The following STOML2 variants were observed in gnomAD, a reference collection of about 807,000 sequenced individuals.
STOML2 encodes stomatin like 2, also known as stomatin-like protein 2, mitochondrial.
A neutral mutation model predicts 45.7 loss-of-function variants in STOML2; 22 were observed. The ratio of observed to expected loss-of-function variants is 0.48; its 90% CI spans 0.34 to 0.69. The LOEUF (loss-of-function observed/expected upper bound fraction) is 0.69, where lower values mean the gene tolerates loss of function less well. Among genes scored for constraint, STOML2 ranks in the 30% least tolerant of loss-of-function variants. The pLI, the probability that STOML2 is intolerant of heterozygous loss-of-function variation, is 0.01. For synonymous variants in STOML2, 181 were observed against 182.7 expected, an observed-to-expected ratio of 0.99 and a Z score of 0.08; for missense variants, 359 against 466.9, an observed-to-expected ratio of 0.77 and a Z score of 2.13.
intron 9 of STOML2, 111 bp downstream of exon 9, chr9:35,100,482 CTAGGG>C: frequency 7.0e-7 from 1 of 1,424,250 alleles, no homozygotes; most frequent in South Asian, 1.2e-5. Flanking sequence ...GAAGGGAGGT[CTAGGG>C]CCAAGGCACT....
rs759541860 is a variant in STOML2 at position 35,100,161 on chromosome 9, T to C, written c.945A>G (p.Val315=). The C allele has an allele frequency of 1.1e-5, 17 of 1,614,002 alleles. No individual in the cohort carries two copies. Among genetic ancestry groups the C allele is most frequent in the Middle Eastern group, 1.7e-4 (1 of 6,058 alleles). The part of the protein sequence containing the change: ...VTSMVAQAMG[V]YGALTKAPVP... The stretch of plus-strand genomic sequence containing the variant: ...CTGGGGCTTTGGTGAGGGCTCCATA[T>C]ACACCCATGGCCTGAGGAGAGGAAC... The change falls in exon 10 of 10, where the codon GTA becomes GTG. Residue 315 remains valine, a synonymous_variant. Coordinates refer to ENST00000356493, the MANE Select transcript of STOML2 (RefSeq NM_013442.3).
At position 35,103,033 on chromosome 9, in the gene STOML2, G is replaced by C; in HGVS notation, c.45+17C>G. On this transcript the variant is annotated intron_variant, in intron 1 of 9. Coordinates refer to ENST00000356493, the MANE Select transcript of STOML2 (RefSeq NM_013442.3). Reference sequence around the variant, plus strand: ...AATCTCTGTCCTGACCCTCTGGAAAGGTTGCCTCGCTCTCACCCTCAGCAA... The same window carrying C: ...AATCTCTGTCCTGACCCTCTGGAAACGTTGCCTCGCTCTCACCCTCAGCAA... The C allele has an allele frequency of 2.5e-6, 4 of 1,614,092 alleles. No individual in the cohort carries two copies. Among genetic ancestry groups the C allele is most frequent in the Non-Finnish European group, 3.4e-6 (4 of 1,180,004 alleles).
In STOML2 at chr9:35,102,910, C is replaced by A; in HGVS notation, c.46-87G>T. ...TGAAGGCATCTCCATAAACCACGAC[C>A]CTCAGGATCCTCGGAGAATCACATG... is the stretch of plus-strand genomic sequence containing the variant. On this transcript the variant is annotated intron_variant, in intron 1 of 9. Coordinates refer to ENST00000356493, the MANE Select transcript of STOML2 (RefSeq NM_013442.3). This position sits in a 1 kb window ranked among gnomAD's most constrained non-coding sequence, Gnocchi z 4.8. 1 of 1,574,378 alleles carries A rather than the reference C, an allele frequency of 6.4e-7. No homozygotes were observed. The highest frequency in any genetic ancestry group is 8.6e-7 in the Non-Finnish European group (1 of 1,157,950).
Position 35,102,745 on chromosome 9 carries a change from GCACGAACAGTAC to G in STOML2, c.112_123del (p.Val38_Val41del), listed in dbSNP as rs752109773. ...TCCACCACCCAGGCCTCCTGCTGCG[GCACGAACAGTAC>G]CACGGTGTTTCGGGGCAATCCAGAG... is the stretch of plus-strand genomic sequence containing the variant. On this transcript the variant is annotated inframe_deletion, in exon 2 of 10. Coordinates refer to ENST00000356493, the MANE Select transcript of STOML2 (RefSeq NM_013442.3). The surrounding 1 kb of genome is among the most constrained non-coding windows in gnomAD (Gnocchi z 4.8). 1 of 1,613,958 alleles carries G rather than the reference GCACGAACAGTAC, an allele frequency of 6.2e-7. No individual in the cohort carries two copies. Among genetic ancestry groups the G allele is most frequent in the African/African-American group, 1.3e-5 (1 of 75,066 alleles).
rs1829836920 is a variant in STOML2, at chr9:35,102,326, G to A, written c.184-132C>T. The A allele has an allele frequency of 1.3e-6, 1 of 760,804 alleles. No individual in the cohort carries two copies. The highest frequency in any genetic ancestry group is 1.8e-5 in the South Asian group (1 of 55,000). The allele number at this position is 760,804 out of a possible 1,614,324, so 47.1% of individuals were successfully genotyped here. On this transcript the variant is annotated intron_variant, in intron 2 of 9. Coordinates refer to ENST00000356493, the MANE Select transcript of STOML2 (RefSeq NM_013442.3). This position sits in a 1 kb window ranked among gnomAD's most constrained non-coding sequence, Gnocchi z 4.8. ...AGCAGCAGCTCCTACCAAGAAATAA[G>A]TCCTCAGAAGGCTGAGGTGTCACTG...
chr9:35,100,784 T>C, intron 8 of STOML2, 58 bp from the exon 9 acceptor site: 2 of 1,613,244 alleles, frequency 1.2e-6, no homozygotes, highest in African/African-American at 1.3e-5. Context: ...AAGGGGGGGA[T>C]GGGGAATGAA....
chr9:35,102,463 G>T lies in STOML2; in HGVS notation c.183+223C>A. On this transcript the variant is annotated intron_variant, in intron 2 of 9. Coordinates refer to ENST00000356493, the MANE Select transcript of STOML2 (RefSeq NM_013442.3). This position sits in a 1 kb window ranked among gnomAD's most constrained non-coding sequence, Gnocchi z 4.8. ...ATCTCTATGCAGACTGAGAGGTAGG[G>T]CTGAGAGTGGGCAGGGGAGATTCCC... The T allele has an allele frequency of 1.4e-6, 1 of 729,480 alleles. No homozygotes were observed. Among genetic ancestry groups the T allele is most frequent in the Non-Finnish European group, 2.2e-6 (1 of 451,720 alleles). 45.2% of individuals were successfully genotyped at this position (729,480 alleles called of 1,614,324 possible).
At chr9:35,100,268 A>G (rs909790290) in intron 9 of STOML2, 96 bp from the exon 10 acceptor site, 2 of 1,509,490 alleles carry the variant, frequency 1.3e-6, no homozygotes, top group Non-Finnish European at 1.8e-6. Context: ...CATGGGGGCC[A>G]GTAAGTTGGT....
Position 35,102,840 on chromosome 9 carries a change from G to A in STOML2, c.46-17C>T, listed in dbSNP as rs1343272216. ...TAGAGAGCCCTGAAGGAAAGAAGAG[G>A]GTGAGCAGAGATCCCATCTGGCCAG... On this transcript the variant is annotated splice_polypyrimidine_tract_variant and intron_variant, in intron 1 of 9. Coordinates refer to ENST00000356493, the MANE Select transcript of STOML2 (RefSeq NM_013442.3). This position sits in a 1 kb window ranked among gnomAD's most constrained non-coding sequence, Gnocchi z 4.8. The A allele has an allele frequency of 3.7e-6, 6 of 1,612,904 alleles. No individual in the cohort carries two copies. Among genetic ancestry groups the A allele is most frequent in the Non-Finnish European group, 5.1e-6 (6 of 1,179,474 alleles).
In STOML2 at chr9:35,102,764, G is replaced by A. The variant is rs767670694; in HGVS notation, c.105C>T (p.Asn35=). The change falls in exon 2 of 10, where the codon AAC becomes AAT. Residue 35 remains asparagine (N), a synonymous_variant. Coordinates refer to ENST00000356493, the MANE Select transcript of STOML2 (RefSeq NM_013442.3). This position sits in a 1 kb window ranked among gnomAD's most constrained non-coding sequence, Gnocchi z 4.8. Reference sequence around the variant, plus strand: ...GCTGCGGCACGAACAGTACCACGGTGTTTCGGGGCAATCCAGAGGAGGCGC... The same window carrying A: ...GCTGCGGCACGAACAGTACCACGGTATTTCGGGGCAATCCAGAGGAGGCGC... The part of the protein sequence containing the change: ...PRRASSGLPR[N]TVVLFVPQQE... The A allele has an allele frequency of 6.2e-7, 1 of 1,614,140 alleles. No individual in the cohort carries two copies. Among genetic ancestry groups the A allele is most frequent in the South Asian group, 1.1e-5 (1 of 91,084 alleles).
At position 35,101,635 on chromosome 9, in the gene STOML2, A is replaced by G. The variant is rs1018250923; in HGVS notation, c.444+75T>C. The G allele has an allele frequency of 6.2e-7, 1 of 1,613,746 alleles. No individual in the cohort carries two copies. The highest frequency in any genetic ancestry group is 8.5e-7 in the Non-Finnish European group (1 of 1,179,796). On this transcript the variant is annotated intron_variant, in intron 5 of 9. Transcript: ENST00000356493. This position sits in a 1 kb window ranked among gnomAD's most constrained non-coding sequence, Gnocchi z 4.3. ...CTACACTGAGAAGGGCCTGGGACTG[A>G]TCTTGACCTTCAGAAAAGATTAAGA...
Position 35,102,473 on chromosome 9 carries a change from G to T in STOML2, c.183+213C>A. ...AGACTGAGAGGTAGGGCTGAGAGTG[G>T]GCAGGGGAGATTCCCAAGAATGGGG... On this transcript the variant is annotated intron_variant, in intron 2 of 9. Transcript: ENST00000356493. This position sits in a 1 kb window ranked among gnomAD's most constrained non-coding sequence, Gnocchi z 4.8. The T allele has an allele frequency of 1.3e-6, 1 of 783,260 alleles. No homozygotes were observed. The highest frequency in any genetic ancestry group is 2.0e-6 in the Non-Finnish European group (1 of 498,632). 48.5% of individuals were successfully genotyped at this position (783,260 alleles called of 1,614,324 possible). A position where few individuals can be genotyped will look rare whatever the true frequency, so the allele number is the denominator to read the frequency against.
intron 8 of STOML2, 58 bp downstream of exon 8, chr9:35,100,874 T>A: frequency 6.2e-7 from 1 of 1,613,332 alleles, no homozygotes; most frequent in Non-Finnish European, 8.5e-7. Flanking sequence ...CAAGCGTAGA[T>A]AAGAGAACCC....
chr9:35,102,618 C>T lies in STOML2; in HGVS notation c.183+68G>A, dbSNP rs1829845527. On this transcript the variant is annotated intron_variant, in intron 2 of 9. Transcript: ENST00000356493. The surrounding 1 kb of genome is among the most constrained non-coding windows in gnomAD (Gnocchi z 4.8). ...TGCGGGCAGGCCCAAAGGAAGTCCT[C>T]CCGACATTGCATGTCGTGAGGGATT... The T allele has an allele frequency of 1.4e-5, 23 of 1,589,652 alleles. No homozygotes were observed. The highest frequency in any genetic ancestry group is 2.7e-5 in the African/African-American group (2 of 74,080).
At position 35,102,238 on chromosome 9, in the gene STOML2, G is replaced by C. The variant is rs755042355; in HGVS notation, c.184-44C>G. On this transcript the variant is annotated intron_variant, in intron 2 of 9. Transcript: ENST00000356493. The surrounding 1 kb of genome is among the most constrained non-coding windows in gnomAD (Gnocchi z 4.8). The stretch of plus-strand genomic sequence containing the variant: ...GGTCCTCAGAAGGCTGGGAACTATT[G>C]GGTTGGGACCTAAGCTAGTCCTGGA... 7 of 1,567,128 alleles carry C rather than the reference G, an allele frequency of 4.5e-6. No homozygotes were observed. The highest frequency in any genetic ancestry group is 1.7e-4 in the Middle Eastern group (1 of 5,934).
Position 35,101,964 on chromosome 9 carries a change from T to C in STOML2, c.284-2A>G. ...CATCGATTTGCAGAGTTACATTGTC[T>C]GTAGAACCAGGAGAGAAAACGGGGA... is the stretch of plus-strand genomic sequence containing the variant. On this transcript the variant is annotated splice_acceptor_variant, in intron 3 of 9. Transcript: ENST00000356493. LOFTEE classifies it high-confidence loss of function. The surrounding 1 kb of genome is among the most constrained non-coding windows in gnomAD (Gnocchi z 4.3). The C allele has an allele frequency of 6.2e-7, 1 of 1,614,186 alleles. No individual in the cohort carries two copies. Among genetic ancestry groups the C allele is most frequent in the Non-Finnish European group, 8.5e-7 (1 of 1,180,030 alleles).
Position 35,102,563 on chromosome 9 carries a change from G to C in STOML2, c.183+123C>G. 1 of 1,475,934 alleles carries C rather than the reference G, an allele frequency of 6.8e-7. No individual in the cohort carries two copies. The highest frequency in any genetic ancestry group is 9.1e-7 in the Non-Finnish European group (1 of 1,099,020). 91.4% of individuals were successfully genotyped at this position (1,475,934 alleles called of 1,614,324 possible). On this transcript the variant is annotated intron_variant, in intron 2 of 9. Coordinates refer to ENST00000356493, the MANE Select transcript of STOML2 (RefSeq NM_013442.3). This position sits in a 1 kb window ranked among gnomAD's most constrained non-coding sequence, Gnocchi z 4.8. ...ATGGTCAGCAGCCTGGGCCCTGTCA[G>C]GTCTGGCCTACAGAGTCGGGAGCTA...
rs777603377 is a variant in STOML2 at position 35,102,044 on chromosome 9, C to CA, written c.283+50dup. On this transcript the variant is annotated intron_variant, in intron 3 of 9. Coordinates refer to ENST00000356493, the MANE Select transcript of STOML2 (RefSeq NM_013442.3). The surrounding 1 kb of genome is among the most constrained non-coding windows in gnomAD (Gnocchi z 4.8). Reference sequence around the variant, plus strand: ...TTTCTACTAAGCTCTGGATCTACAGCAACCACATCCTAATAGCCTCAGAGC... The same window carrying CA: ...TTTCTACTAAGCTCTGGATCTACAGCAAACCACATCCTAATAGCCTCAGAGC... The CA allele has an allele frequency of 2.1e-5, 34 of 1,612,536 alleles. 1 individual carries two copies. Among genetic ancestry groups the CA allele is most frequent in the Middle Eastern group, 3.3e-4 (2 of 6,078 alleles).
In STOML2 at chr9:35,102,616, C is replaced by T. The variant is rs958761005; in HGVS notation, c.183+70G>A. ...AGTGCGGGCAGGCCCAAAGGAAGTC[C>T]TCCCGACATTGCATGTCGTGAGGGA... On this transcript the variant is annotated intron_variant, in intron 2 of 9. Coordinates refer to ENST00000356493, the MANE Select transcript of STOML2 (RefSeq NM_013442.3). The surrounding 1 kb of genome is among the most constrained non-coding windows in gnomAD (Gnocchi z 4.8). 2 of 1,587,842 alleles carry T rather than the reference C, an allele frequency of 1.3e-6. No individual in the cohort carries two copies. Among genetic ancestry groups the T allele is most frequent in the African/African-American group, 2.7e-5 (2 of 74,066 alleles).
Sources: allele counts gnomAD v4.1 joint callset, GRCh38; gene constraint gnomAD v4.1.1; non-coding constraint Gnocchi (gnomAD v3.1); transcripts MANE v1.5; gene names NCBI Gene and HGNC (gene_info 2026-07-23, HGNC 2026-07-21).